PRKCG: variants seen among roughly 807,000 people sequenced by gnomAD.
PRKCG encodes protein kinase C gamma type.
PRKCG carries 28 observed loss-of-function variants against 82.0 expected under a neutral mutation model. That is an observed-to-expected ratio of 0.34 (90% CI 0.25 to 0.47). The LOEUF is 0.47. Among genes scored for constraint, PRKCG ranks in the 20% least tolerant of loss-of-function variants. The pLI is 1.00. For missense variants in PRKCG, 640 were observed against 952.7 expected (o/e 0.67, Z 4.32); for synonymous variants, 383 against 376.6 (o/e 1.02, Z -0.20).
In PRKCG at chr19:53,892,916, TTCCAATG is replaced by T; in HGVS notation, c.822-69_822-63del. Reference sequence around the variant, plus strand: ...CGTCTCTCTGTGTCTCTTTCCTCCCTTCCAATGTCTTTGCCTCTCCCATGGGTGCCCC... The same window carrying T: ...CGTCTCTCTGTGTCTCTTTCCTCCCTTCTTTGCCTCTCCCATGGGTGCCCC... On this transcript the variant is annotated intron_variant, in intron 7 of 17. Transcript: ENST00000263431. This position sits in a 1 kb window ranked among gnomAD's most constrained non-coding sequence, Gnocchi z 5.9. 7.1e-7 allele frequency: 1 copy of T among 1,400,372 alleles called. No homozygotes were observed. Among genetic ancestry groups the T allele is most frequent in the Middle Eastern group, 1.8e-4 (1 of 5,680 alleles). 86.7% of individuals were successfully genotyped at this position (1,400,372 alleles called of 1,614,324 possible).
intron 16 of PRKCG, among the ~76,000 whole-genome samples, chr19:53,904,965 C>T (rs940761329): frequency 6.6e-6 from 1 of 152,198 alleles, no homozygotes; most frequent in Non-Finnish European, 1.5e-5. Flanking sequence ...GACTCCCACT[C>T]CCCAGCTCCC....
intron 5 of PRKCG, among the ~76,000 whole-genome samples, chr19:53,891,433 C>T (rs530568077): frequency 1.2e-4 from 17 of 142,866 alleles, no homozygotes; most frequent in African/African-American, 5.0e-4. Flanking sequence ...CCTGCCACCA[C>T]GCCCAGCTAA....
Position 53,892,775 on chromosome 19 carries a change from CA to C in PRKCG, c.821+133del, listed in dbSNP as rs1186938902. ...GCGCACACACACACACACACACACA[CA>C]CACACGCACACACACGCACACACCC... On this transcript the variant is annotated intron_variant, in intron 7 of 17. Transcript: ENST00000263431. This position sits in a 1 kb window ranked among gnomAD's most constrained non-coding sequence, Gnocchi z 5.9. The C allele has an allele frequency of 1.9e-6, 2 of 1,041,092 alleles. No homozygotes were observed. The highest frequency in any genetic ancestry group is 1.7e-5 in the African/African-American group (1 of 57,932). 64.5% of individuals were successfully genotyped at this position (1,041,092 alleles called of 1,614,324 possible). A position where few individuals can be genotyped will look rare whatever the true frequency, so the allele number is the denominator to read the frequency against.
intron 9 of PRKCG, 200 bp downstream of exon 9, chr19:53,893,591 T>G: frequency 1.4e-6 from 1 of 706,114 alleles, no homozygotes; most frequent in Non-Finnish European, 2.5e-6. Flanking sequence ...AGGGACACAG[T>G]CACAGATACT....
chr19:53,899,126 C>A (rs1251799553), intron 11 of PRKCG, among the ~76,000 whole-genome samples: 1 of 129,570 alleles, frequency 7.7e-6, no homozygotes, highest in Non-Finnish European at 1.6e-5. Flanking sequence ...CGTGGTCGGG[C>A]GGATGAGCTC....
rs984129047 is a variant in PRKCG, at chr19:53,892,930, C to T, written c.822-58C>T. On this transcript the variant is annotated intron_variant, in intron 7 of 17. Transcript: ENST00000263431. This position sits in a 1 kb window ranked among gnomAD's most constrained non-coding sequence, Gnocchi z 5.9. ...TCTTTCCTCCCTTCCAATGTCTTTG[C>T]CTCTCCCATGGGTGCCCCATCCCCG... 6.7e-7 allele frequency: 1 copy of T among 1,487,378 alleles called. No homozygotes were observed. Among genetic ancestry groups the T allele is most frequent in the Non-Finnish European group, 9.4e-7 (1 of 1,068,536 alleles). The allele number at this position is 1,487,378 out of a possible 1,614,324, so 92.1% of individuals were successfully genotyped here. A position where few individuals can be genotyped will look rare whatever the true frequency, so the allele number is the denominator to read the frequency against.
chr19:53,896,376 GATTATTATTATT>G (rs113382850), intron 9 of PRKCG, among the ~76,000 whole-genome samples: 1,565 of 141,912 alleles, frequency 0.011, 13 homozygotes, highest in East Asian at 0.041. Context: ...AAACAGCCCT[GATTATTATTATT>G]ATTATTATTA....
intron 16 of PRKCG, among the ~76,000 whole-genome samples, chr19:53,906,074 TCC>T (rs1491195476): frequency 8.9e-5 from 6 of 67,654 alleles, no homozygotes; most frequent in East Asian, 7.7e-4. Context: ...CTCCTCCTCC[TCC>T]TCCTCCTCCT....
Position 53,904,699 on chromosome 19 carries a change from A to G in PRKCG, c.1721A>G (p.Tyr574Cys). The change falls in exon 16 of 18, where the codon TAC becomes TGC. Residue 574 changes from tyrosine (Y) to cysteine (C), a missense_variant. Transcript: ENST00000263431. Reference sequence around the variant, plus strand: ...GCCATCATGGAACAAACTGTCACCTACCCCAAGTCGCTTTCCCGGGAAGCC... The same window carrying G: ...GCCATCATGGAACAAACTGTCACCTGCCCCAAGTCGCTTTCCCGGGAAGCC... ...FQAIMEQTVT[Y>C]PKSLSREAVA... 1 of 1,613,618 alleles carries G rather than the reference A, an allele frequency of 6.2e-7. No homozygotes were observed. The highest frequency in any genetic ancestry group is 8.5e-7 in the Non-Finnish European group (1 of 1,179,926).
At chr19:53,901,849 CA>C (rs752402468) in intron 14 of PRKCG, among the ~76,000 whole-genome samples, 3,240 of 69,044 alleles carry the variant, frequency 0.047, 59 homozygotes, top group East Asian at 0.2. Flanking sequence ...GACCCTGTCT[CA>C]AAAAAAAAAA....
At chr19:53,902,905 A>AC (rs2068774964) in intron 14 of PRKCG, among the ~76,000 whole-genome samples, 168 bp from the exon 15 acceptor site, 1 of 150,900 alleles carries the variant, frequency 6.6e-6, no homozygotes, top group African/African-American at 2.5e-5. Flanking sequence ...AAAAAAAAAA[A>AC]AAAAAAAAAA....
rs546441270 is a variant in PRKCG, at chr19:53,905,391, G to A, written c.1764+649G>A. 9.1e-4 allele frequency among the ~76,000 whole-genome samples: 70 copies of A among 76,796 alleles called. No individual in the cohort carries two copies. In the East Asian group the frequency reaches 0.014, roughly 16 times the overall value. The allele number at this position is 76,796 out of a possible 152,430, so 50.4% of individuals were successfully genotyped here. A position where few individuals can be genotyped will look rare whatever the true frequency, so the allele number is the denominator to read the frequency against. ...CCTGTGTCCACTCTCATACACACAC[G>A]CTACATCTCACCCTCCTCTCCTGCT... On this transcript the variant is annotated intron_variant, in intron 16 of 17. Transcript: ENST00000263431.
chr19:53,890,055 C>A, intron 5 of PRKCG, 38 bp downstream of exon 5: 1 of 1,541,214 alleles, frequency 6.5e-7, no homozygotes, highest in East Asian at 2.4e-5. Context: ...CGCCCCCTCC[C>A]CAAGTGTGAG....
In PRKCG at chr19:53,883,096, T is replaced by C; in HGVS notation, c.171-67T>C. 1 of 1,592,896 alleles carries C rather than the reference T, an allele frequency of 6.3e-7. No homozygotes were observed. Among genetic ancestry groups the C allele is most frequent in the Non-Finnish European group, 8.6e-7 (1 of 1,161,126 alleles). On this transcript the variant is annotated intron_variant, in intron 1 of 17. Transcript: ENST00000263431. This position sits in a 1 kb window ranked among gnomAD's most constrained non-coding sequence, Gnocchi z 5.4. ...AGGGTCAGAGAGCGCAGGCCCCCTGTGGCTCGCAGAGGTTGGGGGTCCAGG... is the reference window on the plus strand; with the variant it reads ...AGGGTCAGAGAGCGCAGGCCCCCTGCGGCTCGCAGAGGTTGGGGGTCCAGG...
intron 5 of PRKCG, among the ~76,000 whole-genome samples, chr19:53,890,432 AT>A (rs1420410824): frequency 7.6e-6 from 1 of 132,274 alleles, no homozygotes; most frequent in Non-Finnish European, 1.6e-5. Context: ...AATTTTTTGT[AT>A]TTTTAGTACA....
chr19:53,895,261 G>T (rs996588691), intron 9 of PRKCG, among the ~76,000 whole-genome samples: 1 of 152,024 alleles, frequency 6.6e-6, no homozygotes, highest in Non-Finnish European at 1.5e-5. Context: ...AGTAAGGCGG[G>T]CGGATCACCT....
At chr19:53,903,194 C>A in intron 15 of PRKCG, 41 bp downstream of exon 15, 1 of 1,500,066 alleles carries the variant, frequency 6.7e-7, no homozygotes, top group Non-Finnish European at 9.3e-7. Flanking sequence ...CTAAAAGAGA[C>A]AGAGAGGGGC....
chr19:53,906,565 G>A (rs2068813315), intron 17 of PRKCG, 108 bp downstream of exon 17: 2 of 1,555,754 alleles, frequency 1.3e-6, no homozygotes, highest in Non-Finnish European at 1.8e-6. Flanking sequence ...AGAGCCCCCC[G>A]CCCCCAACAA....
rs561787257 is a variant in PRKCG, at chr19:53,896,353, A to G, written c.940-1606A>G. Among the ~76,000 whole-genome samples, 69 of 149,900 alleles carry G rather than the reference A, an allele frequency of 4.6e-4. 1 individual carries two copies. In the South Asian group the frequency reaches 6.3e-3, roughly 14 times the overall value. Reference sequence around the variant, plus strand: ...CCTTGAGCTAGGTACGGGGCTAACAACACAGCAAACAGAAACAGCCCTGAT... The same window carrying G: ...CCTTGAGCTAGGTACGGGGCTAACAGCACAGCAAACAGAAACAGCCCTGAT... On this transcript the variant is annotated intron_variant, in intron 9 of 17. Coordinates refer to ENST00000263431, the MANE Select transcript of PRKCG (RefSeq NM_002739.5).
Sources: gnomAD v4.1 joint callset for allele counts (sites outside exome capture counted in the v4.1 genomes callset) on GRCh38, gnomAD v4.1.1 for gene constraint, Gnocchi (gnomAD v3.1) non-coding constraint, MANE v1.5 for transcripts, NCBI Gene and HGNC (gene_info 2026-07-23, HGNC 2026-07-21) for gene names.